The following GALNT13 variants were observed in gnomAD, a reference collection of about 807,000 sequenced individuals.
GALNT13 encodes the protein polypeptide N-acetylgalactosaminyltransferase 13.
Under a neutral mutation model 64.2 loss-of-function variants are expected in GALNT13, and 28 were observed. That is an observed-to-expected ratio of 0.44 (90% confidence interval 0.32 to 0.60). The LOEUF (loss-of-function observed/expected upper bound fraction) is 0.60, where lower values mean the gene tolerates loss of function less well. Among genes scored for constraint, GALNT13 ranks in the 20% least tolerant of loss-of-function variants. The pLI is 0.05. For synonymous variants in GALNT13, 214 were observed against 224.6 expected (o/e 0.95, Z 0.42); for missense variants, 577 against 669.8 (o/e 0.86, Z 1.53).
chr2:153,844,842 C>A, the GALNT13 span, among the ~76,000 whole-genome samples: 1 of 152,174 alleles, frequency 6.6e-6, no homozygotes, highest in African/African-American at 2.4e-5. Context: ...TCATCACTAT[C>A]AACTGTAAAC....
chr2:154,031,568 G>A (rs181957994), intron 3 of GALNT13, among the ~76,000 whole-genome samples: 29 of 151,912 alleles, frequency 1.9e-4, no homozygotes, highest in African/African-American at 6.5e-4. Flanking sequence ...GAGAAAGACA[G>A]ATTATGGAAG....
At chr2:153,923,471 A>G (rs1689893986) in intron 2 of GALNT13, among the ~76,000 whole-genome samples, 1 of 151,930 alleles carries the variant, frequency 6.6e-6, no homozygotes, top group African/African-American at 2.4e-5. Flanking sequence ...TTTAACAGGG[A>G]GAGTATTTTC....
At chr2:153,985,974 G>T (rs1694770462) in intron 3 of GALNT13, among the ~76,000 whole-genome samples, 1 of 152,036 alleles carries the variant, frequency 6.6e-6, no homozygotes. Flanking sequence ...TCCTTTTGTG[G>T]TAGTTCTGAA....
At chr2:153,753,283 C>A in the GALNT13 span, among the ~76,000 whole-genome samples, 1 of 152,014 alleles carries the variant, frequency 6.6e-6, no homozygotes, top group African/African-American at 2.4e-5. Context: ...CATGTTTTCC[C>A]GGATGGTCTT....
At chr2:154,425,637 C>A (rs553166596) in intron 11 of GALNT13, among the ~76,000 whole-genome samples, 30 of 152,200 alleles carry the variant, frequency 2.0e-4, no homozygotes, top group Middle Eastern at 3.4e-3. Context: ...AATATACCAT[C>A]AATAGAAAGA....
intron 2 of GALNT13, among the ~76,000 whole-genome samples, chr2:153,923,331 A>G (rs1012523023): frequency 5.3e-5 from 8 of 152,180 alleles, no homozygotes; most frequent in African/African-American, 1.9e-4. Context: ...GGAAAATAAA[A>G]TGTTGATTGC....
At position 154,450,577 on chromosome 2, in the gene GALNT13, G is replaced by T; in HGVS notation, c.*26G>T. 4 of 1,547,426 alleles carry T rather than the reference G, an allele frequency of 2.6e-6. No individual in the cohort carries two copies. The highest frequency in any genetic ancestry group is 3.5e-6 in the Non-Finnish European group (4 of 1,150,206). On this transcript the variant is annotated 3_prime_UTR_variant, in exon 13 of 13. Transcript: ENST00000392825. ...AGATCATGTCCTCCAAGCCATGAAA[G>T]TGTCTACGCTTTTGTTTTTCCATTA...
chr2:154,118,405 T>G (rs1681730515), intron 3 of GALNT13, among the ~76,000 whole-genome samples: 1 of 151,914 alleles, frequency 6.6e-6, no homozygotes, highest in East Asian at 1.9e-4. Context: ...TTCAGTTATG[T>G]GTGCCCTTTA....
chr2:153,105,947 T>C, the GALNT13 span, among the ~76,000 whole-genome samples: 1 of 152,252 alleles, frequency 6.6e-6, no homozygotes, highest in South Asian at 2.1e-4. Context: ...TTGAATGTTT[T>C]CTTTATATGT....
chr2:153,813,369 C>T, the GALNT13 span, among the ~76,000 whole-genome samples: 1 of 152,152 alleles, frequency 6.6e-6, no homozygotes, highest in Admixed American at 6.5e-5. Flanking sequence ...TATTGCTATG[C>T]TATCAAAACA....
the GALNT13 span, among the ~76,000 whole-genome samples, chr2:153,414,741 G>C: frequency 1.3e-5 from 2 of 152,070 alleles, no homozygotes; most frequent in African/African-American, 4.8e-5. Context: ...ACTCTTATCA[G>C]TTTTTCCACT....
chr2:154,141,692 C>A (rs1339779933), intron 4 of GALNT13, among the ~76,000 whole-genome samples: 2 of 152,110 alleles, frequency 1.3e-5, no homozygotes, highest in Non-Finnish European at 2.9e-5. Context: ...AAAAAGTATA[C>A]CTGCATTGCT....
At chr2:154,186,993 AC>A (rs1205864095) in intron 4 of GALNT13, among the ~76,000 whole-genome samples, 1 of 151,838 alleles carries the variant, frequency 6.6e-6, no homozygotes, top group Non-Finnish European at 1.5e-5. Context: ...CCAAAAAAAA[AC>A]CCCCAGTTTA....
chr2:154,317,488 C>G (rs989801949), intron 9 of GALNT13, among the ~76,000 whole-genome samples: 4 of 151,982 alleles, frequency 2.6e-5, no homozygotes, highest in African/African-American at 9.7e-5. Flanking sequence ...ATTTCTTATC[C>G]AAACTTTCTA....
chr2:153,491,200 A>T, the GALNT13 span, among the ~76,000 whole-genome samples: 16 of 152,244 alleles, frequency 1.1e-4, no homozygotes, highest in Admixed American at 2.6e-4. Flanking sequence ...TAACTCAGCA[A>T]TAACAGATTA....
chr2:154,181,829 G>C (rs1240440127), intron 4 of GALNT13, among the ~76,000 whole-genome samples: 3 of 151,676 alleles, frequency 2.0e-5, no homozygotes, highest in Admixed American at 2.0e-4. Flanking sequence ...CAGTTCCTTA[G>C]TATCTAAGCT....
At chr2:153,524,064 T>TTTTG in the GALNT13 span, among the ~76,000 whole-genome samples, 1 of 152,166 alleles carries the variant, frequency 6.6e-6, no homozygotes, top group Non-Finnish European at 1.5e-5. Context: ...ATTCATGTGT[T>TTTTG]TTTGTTTGTT....
At chr2:153,343,447 T>G in the GALNT13 span, among the ~76,000 whole-genome samples, 1 of 152,152 alleles carries the variant, frequency 6.6e-6, no homozygotes, top group African/African-American at 2.4e-5. Flanking sequence ...CAACTTACCA[T>G]GCACATTAGA....
At chr2:153,079,409 G>T in the GALNT13 span, among the ~76,000 whole-genome samples, 1 of 152,242 alleles carries the variant, frequency 6.6e-6, no homozygotes, top group Middle Eastern at 3.4e-3. Flanking sequence ...GCATAAAGGA[G>T]GAAGTATTTT....
Sources: gnomAD v4.1 joint callset for allele counts (sites outside exome capture counted in the v4.1 genomes callset) on GRCh38, gnomAD v4.1.1 for gene constraint, MANE v1.5 for transcripts, NCBI Gene and HGNC (gene_info 2026-07-23, HGNC 2026-07-21) for gene names.